The following ERBB4 variants were observed in gnomAD, a reference collection of about 807,000 sequenced individuals.
ERBB4 encodes receptor tyrosine-protein kinase erbB-4.
A neutral mutation model predicts 158.0 loss-of-function variants in ERBB4; 42 were observed. That is an observed-to-expected ratio of 0.27 (90% CI 0.21 to 0.34). The LOEUF is 0.34. Among genes scored for constraint, ERBB4 ranks in the 10% least tolerant of loss-of-function variants. The probability of loss-of-function intolerance (pLI) is 1.00; values close to 1 mark genes in which losing one functional copy is unlikely to be tolerated. For synonymous variants in ERBB4, 583 were observed against 558.7 expected, an observed-to-expected ratio of 1.04 and a Z score of -0.61; for missense variants, 1,333 against 1,624.1, an observed-to-expected ratio of 0.82 and a Z score of 3.08.
At chr2:212,488,756 C>A (rs1177855961) in intron 1 of ERBB4, among the ~76,000 whole-genome samples, 3 of 151,742 alleles carry the variant, frequency 2.0e-5, no homozygotes, top group Admixed American at 6.6e-5. Context: ...CCCATTGTTA[C>A]AATGGTCACT....
At chr2:211,834,436 G>A (rs2077292608) in intron 3 of ERBB4, among the ~76,000 whole-genome samples, 1 of 150,794 alleles carries the variant, frequency 6.6e-6, no homozygotes, top group African/African-American at 2.4e-5. Context: ...AGCTTGAACT[G>A]TAAGATCTTT....
At chr2:212,306,650 G>A (rs1025055858) in intron 1 of ERBB4, among the ~76,000 whole-genome samples, 1 of 151,098 alleles carries the variant, frequency 6.6e-6, no homozygotes, top group African/African-American at 2.4e-5. Flanking sequence ...ATCCTAACAT[G>A]CCTGCCTGGT....
At chr2:212,063,684 TAAAAC>T (rs1197696690) in intron 2 of ERBB4, among the ~76,000 whole-genome samples, 1 of 151,856 alleles carries the variant, frequency 6.6e-6, no homozygotes, top group Non-Finnish European at 1.5e-5. Flanking sequence ...ACGTAAAAAT[TAAAAC>T]AAAACCTAAT....
chr2:212,069,736 T>C (rs1246762634), intron 2 of ERBB4, among the ~76,000 whole-genome samples: 1 of 151,926 alleles, frequency 6.6e-6, no homozygotes. Flanking sequence ...CATAAGACAA[T>C]ATAACAAATA....
At chr2:211,563,650 G>A (rs901063139) in intron 19 of ERBB4, among the ~76,000 whole-genome samples, 6 of 152,078 alleles carry the variant, frequency 3.9e-5, no homozygotes, top group African/African-American at 1.4e-4. Context: ...ATTTGAGAGT[G>A]GTAATGGTAT....
intron 1 of ERBB4, among the ~76,000 whole-genome samples, chr2:212,347,084 G>GT (rs2106332683): frequency 6.6e-6 from 1 of 152,166 alleles, no homozygotes; most frequent in Non-Finnish European, 1.5e-5. Flanking sequence ...TGCTAACATT[G>GT]TAAGATACAG....
chr2:211,963,170 A>G (rs546713123), intron 2 of ERBB4, among the ~76,000 whole-genome samples: 2 of 152,126 alleles, frequency 1.3e-5, no homozygotes, highest in Admixed American at 6.6e-5. Flanking sequence ...ACATCTGGCA[A>G]TGTCTGGAGA....
At chr2:212,420,348 G>T (rs895884972) in intron 1 of ERBB4, among the ~76,000 whole-genome samples, 1 of 151,926 alleles carries the variant, frequency 6.6e-6, no homozygotes, top group African/African-American at 2.4e-5. Flanking sequence ...CTCAGGAATG[G>T]CCCCGCCATA....
At chr2:212,120,406 G>A (rs956108735) in intron 2 of ERBB4, among the ~76,000 whole-genome samples, 6 of 152,112 alleles carry the variant, frequency 3.9e-5, no homozygotes, top group Non-Finnish European at 7.4e-5. Context: ...CTAGACAATA[G>A]TTCATATATG....
chr2:212,171,324 G>GTT (rs59021730), intron 1 of ERBB4, among the ~76,000 whole-genome samples: 91,021 of 149,514 alleles, frequency 0.61, 28,602 homozygotes, highest in African/African-American at 0.67. Flanking sequence ...TAACTAACTT[G>GTT]TTTTTTTTTT....
chr2:211,630,732 G>A (rs1286573070), intron 16 of ERBB4, 138 bp from the exon 17 acceptor site: 2 of 822,420 alleles, frequency 2.4e-6, no homozygotes, highest in South Asian at 3.3e-5. Flanking sequence ...ATATAAAAGT[G>A]CATTAGGTTT....
At chr2:211,901,312 G>A (rs569475508) in intron 3 of ERBB4, among the ~76,000 whole-genome samples, 59 of 152,206 alleles carry the variant, frequency 3.9e-4, no homozygotes, top group African/African-American at 1.4e-3. Flanking sequence ...TTCAATAAAT[G>A]AGCATTTTAA....
At chr2:211,732,122 G>C (rs911495552) in intron 5 of ERBB4, among the ~76,000 whole-genome samples, 1 of 151,956 alleles carries the variant, frequency 6.6e-6, no homozygotes, top group Non-Finnish European at 1.5e-5. Context: ...GGTTCCCATA[G>C]ATGGAAAGGC....
chr2:211,840,893 T>A (rs2077455755), intron 3 of ERBB4, among the ~76,000 whole-genome samples: 1 of 152,108 alleles, frequency 6.6e-6, no homozygotes, highest in Non-Finnish European at 1.5e-5. Flanking sequence ...ACTTTGGAGA[T>A]CAAGTGGGAC....
rs186337051 is a variant in ERBB4, at chr2:211,676,881, G to C, written c.1622+2171C>G. 2.3e-4 allele frequency among the ~76,000 whole-genome samples: 35 copies of C among 152,076 alleles called. No individual in the cohort carries two copies. The East Asian group carries it at 6.4e-3, about 28-fold the overall frequency. Reference sequence around the variant, plus strand: ...CAAAAGCAAGCATATTTTGATCTGAGGTATTTTATGTTCATAATATTGGGA... The same window carrying C: ...CAAAAGCAAGCATATTTTGATCTGACGTATTTTATGTTCATAATATTGGGA... On this transcript the variant is annotated intron_variant, in intron 13 of 27. Transcript: ENST00000342788.
intron 1 of ERBB4, among the ~76,000 whole-genome samples, chr2:212,314,243 T>C (rs1245121991): frequency 1.3e-5 from 2 of 151,122 alleles, no homozygotes; most frequent in Non-Finnish European, 3.0e-5. Context: ...TTTGTATGAG[T>C]ACATAGTTTC....
chr2:212,425,271 T>C (rs2091882667), intron 1 of ERBB4, among the ~76,000 whole-genome samples: 2 of 148,780 alleles, frequency 1.3e-5, no homozygotes, highest in East Asian at 1.9e-4. Context: ...GTGTGATATA[T>C]AATAAATAAC....
intron 19 of ERBB4, among the ~76,000 whole-genome samples, chr2:211,617,320 TATA>T (rs1272156567): frequency 1.3e-5 from 2 of 152,156 alleles, no homozygotes; most frequent in African/African-American, 2.4e-5. Flanking sequence ...AATTTTCCTT[TATA>T]ACTTCTACTT....
chr2:212,395,896 T>C (rs1963076), intron 1 of ERBB4, among the ~76,000 whole-genome samples: 87,096 of 151,896 alleles, frequency 0.57, 26,203 homozygotes, highest in African/African-American at 0.74. Context: ...GGATTACAGG[T>C]GTGAGCGACC....
Sources: gnomAD v4.1 joint callset for allele counts (sites outside exome capture counted in the v4.1 genomes callset) on GRCh38, gnomAD v4.1.1 for gene constraint, MANE v1.5 for transcripts, NCBI Gene and HGNC (gene_info 2026-07-23, HGNC 2026-07-21) for gene names.